Variants in RAPGEF5 observed in about 807,000 individuals in gnomAD.
RAPGEF5 encodes the protein M-Ras-regulated GEF.
Under a neutral mutation model 125.2 loss-of-function variants are expected in RAPGEF5, and 65 were observed. That is an observed-to-expected ratio of 0.52 (90% CI 0.43 to 0.64). The LOEUF (loss-of-function observed/expected upper bound fraction) is 0.64, where lower values mean the gene tolerates loss of function less well. Among genes scored for constraint, RAPGEF5 ranks in the 30% least tolerant of loss-of-function variants. The probability of loss-of-function intolerance (pLI) is 0.00; values close to 1 mark genes in which losing one functional copy is unlikely to be tolerated. For synonymous variants in RAPGEF5, 391 were observed against 385.9 expected (o/e 1.01, Z -0.16); for missense variants, 958 against 1,048.1 (o/e 0.91, Z 1.19).
chr7:22,229,867 G>A (rs1203431594), intron 8 of RAPGEF5, among the ~76,000 whole-genome samples: 2 of 152,168 alleles, frequency 1.3e-5, no homozygotes, highest in Non-Finnish European at 2.9e-5. Context: ...AGTAGAATCT[G>A]TTCCTAATCT....
At chr7:22,315,236 T>A (rs1364644061) in intron 3 of RAPGEF5, 134 bp downstream of exon 3, 5 of 997,104 alleles carry the variant, frequency 5.0e-6, no homozygotes, top group Non-Finnish European at 5.4e-6. Context: ...ACCATCAGTT[T>A]CCCCAATAGA....
chr7:22,152,968 G>A lies in RAPGEF5; in HGVS notation c.1786+1487C>T, dbSNP rs537806809. ...GGTCTATAGACATTACAACGCTATT[G>A]CCCATACTGATGAATCTAATTTAAT... On this transcript the variant is annotated intron_variant, in intron 17 of 25. Coordinates refer to ENST00000665637, the MANE Select transcript of RAPGEF5 (RefSeq NM_012294.5). 3.3e-5 allele frequency among the ~76,000 whole-genome samples: 5 copies of A among 152,288 alleles called. No individual in the cohort carries two copies. In the South Asian group the frequency reaches 8.3e-4, roughly 25 times the overall value.
chr7:22,285,455 C>A (rs1370401991), intron 6 of RAPGEF5, among the ~76,000 whole-genome samples: 2 of 152,200 alleles, frequency 1.3e-5, no homozygotes, highest in Non-Finnish European at 2.9e-5. Flanking sequence ...AAACCTCATG[C>A]TATTACTGAA....
At chr7:22,317,115 T>C (rs1783617561) in intron 2 of RAPGEF5, among the ~76,000 whole-genome samples, 3 of 151,936 alleles carry the variant, frequency 2.0e-5, no homozygotes, top group Admixed American at 2.0e-4. Flanking sequence ...AAGTACATAA[T>C]GAGCAACTGT....
chr7:22,323,025 G>A (rs1261068158), intron 1 of RAPGEF5, among the ~76,000 whole-genome samples: 1 of 152,154 alleles, frequency 6.6e-6, no homozygotes, highest in Non-Finnish European at 1.5e-5. Flanking sequence ...ATGGGGATCC[G>A]TGGCTGAACC....
At chr7:22,233,702 A>C (rs1285576437) in intron 7 of RAPGEF5, among the ~76,000 whole-genome samples, 1 of 152,166 alleles carries the variant, frequency 6.6e-6, no homozygotes, top group Non-Finnish European at 1.5e-5. Context: ...CTGGCCTCAC[A>C]CTACATTTTA....
chr7:22,256,044 TAC>T (rs1421184809), intron 7 of RAPGEF5, among the ~76,000 whole-genome samples: 1 of 152,170 alleles, frequency 6.6e-6, no homozygotes, highest in Non-Finnish European at 1.5e-5. Context: ...GTGATCACAT[TAC>T]TCTTGCCTGC....
rs796645211 is a variant in RAPGEF5 at position 22,118,370 on chromosome 7, G to A, written c.*4036C>T. On this transcript the variant is annotated 3_prime_UTR_variant, in exon 26 of 26. Transcript: ENST00000665637. Reference sequence around the variant, plus strand: ...AAAAAAAATTGAAAATACAAGATAAGGTAAGGGTTACTTATATAAGTTTTA... The same window carrying A: ...AAAAAAAATTGAAAATACAAGATAAAGTAAGGGTTACTTATATAAGTTTTA... 2.0e-5 allele frequency: 3 copies of A among 152,528 alleles called. No homozygotes were observed. Among genetic ancestry groups the A allele is most frequent in the East Asian group, 1.9e-4 (1 of 5,178 alleles). The allele number at this position is 152,528 out of a possible 1,614,324, so 9.4% of individuals were successfully genotyped here.
At chr7:22,152,542 T>G (rs540375192) in intron 17 of RAPGEF5, among the ~76,000 whole-genome samples, 27 of 152,336 alleles carry the variant, frequency 1.8e-4, no homozygotes, top group African/African-American at 5.1e-4. Flanking sequence ...GGGTAGTTTA[T>G]TGTTACTACA....
rs938051143 is a variant in RAPGEF5 at position 22,151,556 on chromosome 7, C to A, written c.1787-1052G>T. ...GGCTCACCGCAACCTCTGCCTCCTC[C>A]TGGGTTCAAGTGATTCTCCAACCTC... On this transcript the variant is annotated intron_variant, in intron 17 of 25. Transcript: ENST00000665637. Among the ~76,000 whole-genome samples, 4 of 150,344 alleles carry A rather than the reference C, an allele frequency of 2.7e-5. No homozygotes were observed. The Admixed American group carries it at 2.7e-4, about 10-fold the overall frequency.
At chr7:22,329,391 A>G (rs1783871868) in intron 1 of RAPGEF5, among the ~76,000 whole-genome samples, 1 of 152,172 alleles carries the variant, frequency 6.6e-6, no homozygotes, top group Admixed American at 6.5e-5. Context: ...AACAAAATAT[A>G]TATGAATTAC....
chr7:22,314,670 T>C, intron 3 of RAPGEF5: 2 of 967,226 alleles, frequency 2.1e-6, no homozygotes, highest in African/African-American at 1.8e-5. Context: ...ATGGTAGTGG[T>C]TTTTCTTTTT....
intron 11 of RAPGEF5, among the ~76,000 whole-genome samples, chr7:22,167,429 T>C (rs1366740054): frequency 6.6e-6 from 1 of 152,254 alleles, no homozygotes; most frequent in African/African-American, 2.4e-5. Context: ...ATTTCATTTA[T>C]ATTTGTGGGT....
chr7:22,171,403 C>T (rs1404778626), intron 11 of RAPGEF5, among the ~76,000 whole-genome samples: 1 of 152,176 alleles, frequency 6.6e-6, no homozygotes, highest in Non-Finnish European at 1.5e-5. Context: ...CATATTAACA[C>T]TCTGAGTAAA....
chr7:22,222,371 C>CT (rs1785813303), intron 8 of RAPGEF5, among the ~76,000 whole-genome samples: 2 of 152,066 alleles, frequency 1.3e-5, no homozygotes, highest in South Asian at 4.1e-4. Context: ...AGATAAATAA[C>CT]TGAAGGCATT....
At chr7:22,162,685 G>A in intron 12 of RAPGEF5, 144 bp from the exon 13 acceptor site, 1 of 833,202 alleles carries the variant, frequency 1.2e-6, no homozygotes, top group Non-Finnish European at 1.9e-6. Context: ...GAGAGCAAAA[G>A]GTGTGCACTG....
chr7:22,149,377 C>T (rs985407683), intron 18 of RAPGEF5, among the ~76,000 whole-genome samples: 9 of 152,312 alleles, frequency 5.9e-5, no homozygotes, highest in Middle Eastern at 6.8e-3. Flanking sequence ...GAGAAAGACC[C>T]GCCCCAGCGA....
intron 3 of RAPGEF5, among the ~76,000 whole-genome samples, chr7:22,310,351 C>A (rs911109699): frequency 3.9e-5 from 6 of 152,128 alleles, no homozygotes; most frequent in African/African-American, 1.4e-4. Flanking sequence ...TACAAAGGAA[C>A]AATATCTGCT....
intron 1 of RAPGEF5, among the ~76,000 whole-genome samples, chr7:22,323,508 C>T (rs1434803759): frequency 1.3e-5 from 2 of 152,172 alleles, no homozygotes; most frequent in Non-Finnish European, 2.9e-5. Context: ...ATAGTTTTGC[C>T]TACCAATATG....
Sources: allele counts gnomAD v4.1 joint callset (sites outside exome capture counted in the v4.1 genomes callset), GRCh38; gene constraint gnomAD v4.1.1; transcripts MANE v1.5; gene names NCBI Gene and HGNC (gene_info 2026-07-23, HGNC 2026-07-21).